CLEC4A: variants seen among roughly 807,000 people sequenced by gnomAD.
CLEC4A encodes C-type (calcium dependent, carbohydrate-recognition domain) lectin, superfamily member 6.
In CLEC4A, 27 loss-of-function variants were observed where a neutral mutation model predicts 32.7. The ratio of observed to expected loss-of-function variants is 0.83; its 90% CI spans 0.61 to 1.14. The LOEUF (loss-of-function observed/expected upper bound fraction) is 1.14. Ranked by LOEUF, CLEC4A falls within the 50% of genes most tolerant of loss-of-function variation. The pLI, the probability that CLEC4A is intolerant of heterozygous loss-of-function variation, is 0.00. For synonymous variants in CLEC4A, 89 were observed against 93.7 expected (o/e 0.95, Z 0.29); for missense variants, 253 against 274.6 (o/e 0.92, Z 0.55).
At chr12:8,134,986 G>GTTTTGTTTTTTGTTTTTTT in intron 3 of CLEC4A, 1 of 133,322 alleles carries the variant, frequency 7.5e-6, no homozygotes, top group Non-Finnish European at 1.0e-5. Context: ...TTTGTTTTTT[G>GTTTTGTTTTTTGTTTTTTT]TTTTTTTTTA....
chr12:8,111,702 C>T, the CLEC4A span, among the ~76,000 whole-genome samples: 1 of 152,186 alleles, frequency 6.6e-6, no homozygotes, highest in Non-Finnish European at 1.5e-5. Flanking sequence ...ATATATTTAA[C>T]CACTGTCCTT....
chr12:8,106,181 A>G, the CLEC4A span, among the ~76,000 whole-genome samples: 68 of 152,244 alleles, frequency 4.5e-4, no homozygotes, highest in African/African-American at 1.6e-3. Flanking sequence ...CAACTTTGTC[A>G]AAGATAAGAT....
intron 3 of CLEC4A, among the ~76,000 whole-genome samples, chr12:8,132,650 C>T (rs1330017370): frequency 1.3e-5 from 2 of 152,026 alleles, no homozygotes. Context: ...TGGATTGGAT[C>T]CTTGTAATTG....
the CLEC4A span, among the ~76,000 whole-genome samples, chr12:8,109,509 AT>A: frequency 2.0e-5 from 3 of 152,206 alleles, no homozygotes; most frequent in Non-Finnish European, 4.4e-5. Flanking sequence ...CATATACGAA[AT>A]TAAAATAGTA....
chr12:8,122,662 G>A (rs1425210665), upstream of CLEC4A, among the ~76,000 whole-genome samples: 1 of 152,146 alleles, frequency 6.6e-6, no homozygotes, highest in Non-Finnish European at 1.5e-5. Flanking sequence ...ATGAAAGCAG[G>A]TTTCTTAGTG....
At chr12:8,112,855 A>G in the CLEC4A span, among the ~76,000 whole-genome samples, 6 of 152,228 alleles carry the variant, frequency 3.9e-5, no homozygotes, top group East Asian at 5.8e-4. Flanking sequence ...TGGTACTCCA[A>G]ACTTACATAC....
chr12:8,113,908 A>T, the CLEC4A span, among the ~76,000 whole-genome samples: 1 of 152,208 alleles, frequency 6.6e-6, no homozygotes, highest in Non-Finnish European at 1.5e-5. Context: ...CAATTTATCC[A>T]CTAGCTTCCT....
At chr12:8,136,388 A>G (rs1948116078) in intron 4 of CLEC4A, among the ~76,000 whole-genome samples, 1 of 152,106 alleles carries the variant, frequency 6.6e-6, no homozygotes. Context: ...AAAATGGTGA[A>G]ACCCAGCCTC....
At chr12:8,117,112 C>T in the CLEC4A span, among the ~76,000 whole-genome samples, 2 of 152,122 alleles carry the variant, frequency 1.3e-5, no homozygotes, top group Admixed American at 6.5e-5. Context: ...TTCCTTGGGT[C>T]AAGAATTTAG....
At chr12:8,135,528 C>A in intron 3 of CLEC4A, 57 bp from the exon 4 acceptor site, 1 of 1,555,170 alleles carries the variant, frequency 6.4e-7, no homozygotes, top group Non-Finnish European at 8.8e-7. Flanking sequence ...TAATAATACA[C>A]ACACTTTTAA....
upstream of CLEC4A, among the ~76,000 whole-genome samples, chr12:8,123,157 C>G (rs1183014978): frequency 6.6e-6 from 1 of 152,198 alleles, no homozygotes; most frequent in East Asian, 1.9e-4. Context: ...CTGGCCTTCC[C>G]TCTCCTCCAA....
At chr12:8,105,730 T>G in the CLEC4A span, among the ~76,000 whole-genome samples, 1 of 152,196 alleles carries the variant, frequency 6.6e-6, no homozygotes, top group East Asian at 1.9e-4. Context: ...TGCCCACTTT[T>G]TAAAGGGTTG....
At position 8,138,395 on chromosome 12, in the gene CLEC4A, G is replaced by A. The variant is rs917986167; in HGVS notation, c.*108G>A. 44 of 1,294,276 alleles carry A rather than the reference G, an allele frequency of 3.4e-5. No individual in the cohort carries two copies. Among genetic ancestry groups the A allele is most frequent in the Non-Finnish European group, 4.1e-5 (38 of 925,340 alleles). 80.2% of individuals were successfully genotyped at this position (1,294,276 alleles called of 1,614,324 possible). A position where few individuals can be genotyped will look rare whatever the true frequency, so the allele number is the denominator to read the frequency against. On this transcript the variant is annotated 3_prime_UTR_variant, in exon 6 of 6. Transcript: ENST00000229332. ...AAGGGAGGTCCATAGAATTTAGGTG[G>A]TCTGTCAACTATTCTACTTATGAGA...
chr12:8,134,025 A>G, intron 3 of CLEC4A: 1 of 1,602,970 alleles, frequency 6.2e-7, no homozygotes, highest in Non-Finnish European at 8.5e-7. Flanking sequence ...TTACAGAACC[A>G]CACTCGGACC....
chr12:8,103,835 A>G, the CLEC4A span, among the ~76,000 whole-genome samples: 2 of 152,116 alleles, frequency 1.3e-5, no homozygotes, highest in Non-Finnish European at 2.9e-5. Context: ...ATGTTTACCT[A>G]TCCTTCCAAT....
At chr12:8,127,367 A>G (rs769544203) in intron 2 of CLEC4A, among the ~76,000 whole-genome samples, 36 of 152,266 alleles carry the variant, frequency 2.4e-4, no homozygotes, top group African/African-American at 7.5e-4. Flanking sequence ...TGCACATTCT[A>G]TTGGCCAAAA....
At chr12:8,116,955 G>A in the CLEC4A span, among the ~76,000 whole-genome samples, 1 of 152,162 alleles carries the variant, frequency 6.6e-6, no homozygotes, top group Admixed American at 6.5e-5. Context: ...TCACTTAGGA[G>A]ACATAGCAAA....
At chr12:8,110,320 T>A in the CLEC4A span, among the ~76,000 whole-genome samples, 1 of 152,156 alleles carries the variant, frequency 6.6e-6, no homozygotes, top group Non-Finnish European at 1.5e-5. Context: ...TTTACTAATT[T>A]GTACCTAAAG....
chr12:8,107,162 T>C, the CLEC4A span, among the ~76,000 whole-genome samples: 1 of 152,222 alleles, frequency 6.6e-6, no homozygotes, highest in African/African-American at 2.4e-5. Context: ...GTTTTCTTTA[T>C]GTGGTGAATT....
Sources: gnomAD v4.1 joint callset for allele counts (sites outside exome capture counted in the v4.1 genomes callset) on GRCh38, gnomAD v4.1.1 for gene constraint, MANE v1.5 for transcripts, NCBI Gene and HGNC (gene_info 2026-07-23, HGNC 2026-07-21) for gene names.